The following ARSG variants were observed in gnomAD, a reference collection of about 807,000 sequenced individuals.
The protein encoded by ARSG is arylsulfatase G, also known as ASG.
Under a neutral mutation model 50.5 loss-of-function variants are expected in ARSG, and 37 were observed. The ratio of observed to expected loss-of-function variants is 0.73; its 90% CI spans 0.56 to 0.96. The LOEUF is 0.96. Ranked by LOEUF, ARSG falls within the 50% of genes least tolerant of loss-of-function variation. The pLI is 0.00. For synonymous variants in ARSG, 225 were observed against 254.6 expected (o/e 0.88, Z 1.11); for missense variants, 629 against 675.3 (o/e 0.93, Z 0.76).
chr17:68,376,323 C>T (rs1476733391), intron 8 of ARSG, among the ~76,000 whole-genome samples: 1 of 149,608 alleles, frequency 6.7e-6, no homozygotes, highest in African/African-American at 2.5e-5. Flanking sequence ...GTTGCCCAGG[C>T]TGGAGTGCAG....
chr17:68,326,494 G>A (rs560599240), intron 2 of ARSG, among the ~76,000 whole-genome samples: 3 of 152,288 alleles, frequency 2.0e-5, no homozygotes, highest in Non-Finnish European at 2.9e-5. Context: ...GTGAAACTCC[G>A]TCTCTACTCT....
At chr17:68,415,075 G>A (rs1334277614) in intron 11 of ARSG, among the ~76,000 whole-genome samples, 1 of 151,988 alleles carries the variant, frequency 6.6e-6, no homozygotes, top group African/African-American at 2.4e-5. Context: ...GCTGGGTTTT[G>A]TTTGTTCTTG....
At chr17:68,313,587 A>G (rs1568455006) in intron 2 of ARSG, among the ~76,000 whole-genome samples, 1 of 152,106 alleles carries the variant, frequency 6.6e-6, no homozygotes, top group South Asian at 2.1e-4. Flanking sequence ...GCTATCTCCA[A>G]ATAAGGTCAC....
At chr17:68,445,176 TC>T in the ARSG span, among the ~76,000 whole-genome samples, 5 of 152,266 alleles carry the variant, frequency 3.3e-5, no homozygotes, top group Admixed American at 2.6e-4. Context: ...CGCCTCGGCC[TC>T]CCAAAGTGCT....
chr17:68,262,470 C>A (rs537817141), intron 1 of ARSG, among the ~76,000 whole-genome samples: 3 of 152,096 alleles, frequency 2.0e-5, no homozygotes, highest in South Asian at 2.1e-4. Flanking sequence ...GACTGCCCCC[C>A]CAACCCCCCC....
chr17:68,262,464 GC>G (rs149240082), intron 1 of ARSG, among the ~76,000 whole-genome samples: 18,919 of 149,976 alleles, frequency 0.13, 1,610 homozygotes, highest in East Asian at 0.34. Flanking sequence ...GAGCGAGACT[GC>G]CCCCCCAACC....
chr17:68,420,971 CT>C (rs1276454932), downstream of ARSG: 1 of 157,412 alleles, frequency 6.4e-6, no homozygotes, highest in Non-Finnish European at 1.4e-5. Flanking sequence ...AGTGTACTCA[CT>C]GGTCTCCATC....
chr17:68,319,449 A>G lies in ARSG; in HGVS notation c.218+11738A>G, dbSNP rs75660326. On this transcript the variant is annotated intron_variant, in intron 2 of 11. Coordinates refer to ENST00000621439, the MANE Select transcript of ARSG (RefSeq NM_001267727.2). ...GTAAGTGCTGAACAAAAGGGACTTC[A>G]GGTTTTTACCTCATGGCTCTGTTTG... 7.0e-3 allele frequency among the ~76,000 whole-genome samples: 1,066 copies of G among 152,322 alleles called. 12 individuals carry two copies. The highest frequency in any genetic ancestry group is 0.024 in the African/African-American group (979 of 41,568).
chr17:68,442,424 C>T, the ARSG span, among the ~76,000 whole-genome samples: 1 of 149,696 alleles, frequency 6.7e-6, no homozygotes, highest in Non-Finnish European at 1.5e-5. Context: ...GAGATTGCAC[C>T]ACCTCACTCC....
At chr17:68,392,375 A>G (rs2081035722) in intron 9 of ARSG, among the ~76,000 whole-genome samples, 1 of 152,238 alleles carries the variant, frequency 6.6e-6, no homozygotes, top group Admixed American at 6.5e-5. Flanking sequence ...AAAAAGTCAC[A>G]TGAACAAAAT....
chr17:68,314,072 A>G (rs1431567800), intron 2 of ARSG, among the ~76,000 whole-genome samples: 1 of 152,192 alleles, frequency 6.6e-6, no homozygotes, highest in Non-Finnish European at 1.5e-5. Context: ...TGTCATGCTT[A>G]AGAGGGCAGG....
chr17:68,383,854 TC>T (rs1427934283), intron 8 of ARSG, among the ~76,000 whole-genome samples: 1 of 152,218 alleles, frequency 6.6e-6, no homozygotes, highest in East Asian at 1.9e-4. Context: ...GTTAGATTTT[TC>T]AACCCCACAC....
chr17:68,337,925 CTCT>C (rs934228631), intron 2 of ARSG, among the ~76,000 whole-genome samples: 40 of 152,112 alleles, frequency 2.6e-4, no homozygotes, highest in African/African-American at 9.4e-4. Flanking sequence ...CCAGCAGAAA[CTCT>C]TCTTTCCAAA....
At chr17:68,447,413 G>T in the ARSG span, among the ~76,000 whole-genome samples, 1 of 151,952 alleles carries the variant, frequency 6.6e-6, no homozygotes, top group Non-Finnish European at 1.5e-5. Flanking sequence ...ACAGGGTCTT[G>T]CTGTGTCACC....
chr17:68,313,805 A>G (rs996074911), intron 2 of ARSG, among the ~76,000 whole-genome samples: 13 of 150,348 alleles, frequency 8.6e-5, no homozygotes, highest in African/African-American at 2.0e-4. Context: ...CGGCCTTCTG[A>G]GTAGCTGGAA....
chr17:68,343,234 G>A (rs1415037370), intron 2 of ARSG, among the ~76,000 whole-genome samples: 3 of 151,972 alleles, frequency 2.0e-5, no homozygotes, highest in Non-Finnish European at 2.9e-5. Context: ...TTGGCTCTCC[G>A]CAACCTCCGC....
At chr17:68,313,085 C>T (rs797027339) in intron 2 of ARSG, among the ~76,000 whole-genome samples, 5 of 152,140 alleles carry the variant, frequency 3.3e-5, no homozygotes, top group African/African-American at 1.2e-4. Flanking sequence ...CGTGGTGAAA[C>T]GCTGTCACTA....
chr17:68,363,300 A>G (rs1297968500), intron 6 of ARSG, among the ~76,000 whole-genome samples: 1 of 152,110 alleles, frequency 6.6e-6, no homozygotes, highest in Non-Finnish European at 1.5e-5. Flanking sequence ...TAGATGAGGC[A>G]CAGGAAGTAG....
chr17:68,352,953 G>C (rs766121253), intron 5 of ARSG, among the ~76,000 whole-genome samples: 1 of 152,044 alleles, frequency 6.6e-6, no homozygotes, highest in East Asian at 1.9e-4. Flanking sequence ...TCCCTTGTTC[G>C]GACAGAGCAC....
Sources: allele counts gnomAD v4.1 joint callset (sites outside exome capture counted in the v4.1 genomes callset), GRCh38; gene constraint gnomAD v4.1.1; transcripts MANE v1.5; gene names NCBI Gene and HGNC (gene_info 2026-07-23, HGNC 2026-07-21).